The following MEIS1 variants were observed in gnomAD, a reference collection of about 807,000 sequenced individuals.
The protein encoded by MEIS1 is Meis homeobox 1, also known as homeobox protein Meis1.
A neutral mutation model predicts 50.8 loss-of-function variants in MEIS1; 5 were observed. That is an observed-to-expected ratio of 0.10 (90% CI 0.05 to 0.21). The LOEUF (loss-of-function observed/expected upper bound fraction) is 0.21. MEIS1 is among the 10% of genes least tolerant of loss of function. MEIS1 has a pLI of 1.00. For missense variants in MEIS1, 318 were observed against 517.3 expected (o/e 0.61, Z 3.74); for synonymous variants, 176 against 179.3 (o/e 0.98, Z 0.15).
chr2:66,445,082 C>T (rs1672095942), intron 6 of MEIS1: 1 of 152,234 alleles, frequency 6.6e-6, no homozygotes, highest in African/African-American at 2.4e-5. Context: ...TTCAGATATG[C>T]AAATATTGGT....
intron 8 of MEIS1, among the ~76,000 whole-genome samples, chr2:66,513,037 T>G (rs958957904): frequency 6.6e-6 from 1 of 152,150 alleles, no homozygotes; most frequent in African/African-American, 2.4e-5. Context: ...CTGAATGAAT[T>G]TCATGTTCAA....
chr2:66,446,705 A>G (rs960142824), intron 6 of MEIS1, among the ~76,000 whole-genome samples: 4 of 152,190 alleles, frequency 2.6e-5, no homozygotes, highest in Non-Finnish European at 5.9e-5. Flanking sequence ...GAGAAGTAAT[A>G]TGGCTTGCAG....
intron 6 of MEIS1, among the ~76,000 whole-genome samples, chr2:66,446,311 A>C (rs948992302): frequency 3.3e-5 from 5 of 152,066 alleles, no homozygotes; most frequent in African/African-American, 9.7e-5. Context: ...TCCAGGAAGG[A>C]GCAGTCGGCT....
In MEIS1 at chr2:66,551,885, G is replaced by A. The variant is rs144089389; in HGVS notation, c.965+3866G>A. ...CTCTTTGCTTTTTTACTGTTGTTGT[G>A]GTTTTAACAAATACTTATGTTATAT... On this transcript the variant is annotated intron_variant, in intron 9 of 12. Transcript: ENST00000272369. Among the ~76,000 whole-genome samples the A allele has an allele frequency of 7.2e-5, 11 of 151,756 alleles. No homozygotes were observed. In the East Asian group the frequency reaches 2.1e-3, roughly 29 times the overall value.
chr2:66,567,300 C>T (rs1675372306), intron 9 of MEIS1, among the ~76,000 whole-genome samples, 153 bp from the exon 10 acceptor site: 1 of 152,198 alleles, frequency 6.6e-6, no homozygotes, highest in East Asian at 1.9e-4. Flanking sequence ...TTTTCCAGCA[C>T]GTGAGGCTGC....
Position 66,435,868 on chromosome 2 carries a change from G to A in MEIS1, c.12G>A (p.Arg4=), listed in dbSNP as rs371461925. MAQ[R]YDDLPHYGGM... ...AGCCAGAGAGGCCGATGGCGCAAAG[G>A]GTACGTATTAAAAAACAATTGTGGA... The change falls in exon 1 of 13, where the codon AGG becomes AGA. Residue 4 remains arginine (R), a splice_region_variant and synonymous_variant. Transcript: ENST00000272369. The A allele has an allele frequency of 6.4e-7, 1 of 1,568,768 alleles. No homozygotes were observed. Among genetic ancestry groups the A allele is most frequent in the Non-Finnish European group, 8.6e-7 (1 of 1,162,330 alleles).
At chr2:66,560,603 A>G (rs1572905270) in intron 9 of MEIS1, among the ~76,000 whole-genome samples, 1 of 151,760 alleles carries the variant, frequency 6.6e-6, no homozygotes, top group East Asian at 1.9e-4. Context: ...AAAAAGAAAG[A>G]AAAGAAAAGA....
intron 9 of MEIS1, among the ~76,000 whole-genome samples, chr2:66,553,943 AT>A (rs1674988685): frequency 6.6e-6 from 1 of 152,192 alleles, no homozygotes; most frequent in South Asian, 2.1e-4. Context: ...GAGAAAAGAA[AT>A]GAAGGTCTAG....
At chr2:66,546,141 C>G (rs1674785611) in intron 8 of MEIS1, among the ~76,000 whole-genome samples, 1 of 152,090 alleles carries the variant, frequency 6.6e-6, no homozygotes, top group African/African-American at 2.4e-5. Flanking sequence ...GAGAGTGATG[C>G]TTGCTATTAG....
intron 6 of MEIS1, among the ~76,000 whole-genome samples, chr2:66,448,445 T>G (rs2103705602): frequency 6.6e-6 from 1 of 152,266 alleles, no homozygotes; most frequent in East Asian, 1.9e-4. Context: ...AGTATTACCA[T>G]GAGGCCTACT....
intron 8 of MEIS1, among the ~76,000 whole-genome samples, chr2:66,545,575 G>A (rs778136462): frequency 2.6e-4 from 39 of 152,134 alleles, no homozygotes; most frequent in African/African-American, 9.7e-5. Flanking sequence ...CCTATATTAG[G>A]TACAATTCTT....
chr2:66,491,046 A>AC (rs1017885979), intron 7 of MEIS1, among the ~76,000 whole-genome samples: 1 of 151,890 alleles, frequency 6.6e-6, no homozygotes, highest in African/African-American at 2.4e-5. Flanking sequence ...CAACAAGAAA[A>AC]AAAAAATGGA....
intron 7 of MEIS1, among the ~76,000 whole-genome samples, chr2:66,487,494 A>T (rs996846940): frequency 1.3e-5 from 2 of 152,200 alleles, no homozygotes; most frequent in African/African-American, 4.8e-5. Flanking sequence ...CTGTTTAACC[A>T]CTTATTTTGG....
At chr2:66,571,184 G>A (rs1675478051) in intron 12 of MEIS1, 62 bp from the exon 13 acceptor site, 2 of 1,513,982 alleles carry the variant, frequency 1.3e-6, no homozygotes, top group Non-Finnish European at 1.8e-6. Context: ...TCATAGCCAG[G>A]ACCACACTAT....
At chr2:66,549,652 G>T (rs1377691372) in intron 9 of MEIS1, among the ~76,000 whole-genome samples, 1 of 152,062 alleles carries the variant, frequency 6.6e-6, no homozygotes, top group African/African-American at 2.4e-5. Context: ...TACAATGGAG[G>T]CTGCACAAAT....
chr2:66,439,298 G>A (rs1003011240), intron 2 of MEIS1: 2 of 1,111,708 alleles, frequency 1.8e-6, no homozygotes, highest in African/African-American at 1.6e-5. Context: ...GGGCCTTGGG[G>A]TTGGGATCCC....
At chr2:66,527,560 T>C (rs1674281161) in intron 8 of MEIS1, among the ~76,000 whole-genome samples, 1 of 151,748 alleles carries the variant, frequency 6.6e-6, no homozygotes, top group African/African-American at 2.4e-5. Flanking sequence ...GAGATCTCTG[T>C]GGCTCTGATA....
At chr2:66,479,059 G>A (rs1231766700) in intron 7 of MEIS1, among the ~76,000 whole-genome samples, 1 of 152,214 alleles carries the variant, frequency 6.6e-6, no homozygotes, top group East Asian at 1.9e-4. Context: ...AAGATTGTTT[G>A]ATTACCTGGC....
chr2:66,561,372 A>C (rs908635663), intron 9 of MEIS1, among the ~76,000 whole-genome samples: 1 of 152,216 alleles, frequency 6.6e-6, no homozygotes, highest in African/African-American at 2.4e-5. Flanking sequence ...ACTACCTTCC[A>C]ATGATAAATT....
Sources: gnomAD v4.1 joint callset for allele counts (sites outside exome capture counted in the v4.1 genomes callset) on GRCh38, gnomAD v4.1.1 for gene constraint, MANE v1.5 for transcripts, NCBI Gene and HGNC (gene_info 2026-07-23, HGNC 2026-07-21) for gene names.